The following TLL1 variants were observed in gnomAD, a reference collection of about 807,000 sequenced individuals.
TLL1 encodes tolloid like 1.
TLL1 carries 49 observed loss-of-function variants against 128.2 expected under a neutral mutation model. The observed-to-expected ratio is 0.38, with a 90% confidence interval of 0.30 to 0.48. The LOEUF (loss-of-function observed/expected upper bound fraction) is 0.48. Among genes scored for constraint, TLL1 ranks in the 20% least tolerant of loss-of-function variants. The pLI, the probability that TLL1 is intolerant of heterozygous loss-of-function variation, is 0.96. For synonymous variants in TLL1, 454 were observed against 418.8 expected (o/e 1.08, Z -1.03); for missense variants, 1,123 against 1,242.0 (o/e 0.90, Z 1.44).
At chr4:165,968,173 G>C (rs1452367498) in intron 1 of TLL1, among the ~76,000 whole-genome samples, 1 of 152,094 alleles carries the variant, frequency 6.6e-6, no homozygotes, top group African/African-American at 2.4e-5. Context: ...TCCAAATTTT[G>C]TTCCCTGAAC....
intron 1 of TLL1, among the ~76,000 whole-genome samples, chr4:165,961,749 G>T (rs1735115867): frequency 6.6e-6 from 1 of 152,038 alleles, no homozygotes; most frequent in Admixed American, 6.6e-5. Flanking sequence ...AGTGGTGTGT[G>T]GATAACTGGC....
At chr4:165,993,572 G>T (rs1736736346) in intron 3 of TLL1, among the ~76,000 whole-genome samples, 1 of 152,066 alleles carries the variant, frequency 6.6e-6, no homozygotes, top group Non-Finnish European at 1.5e-5. Context: ...TGAAAAGACA[G>T]ACATGTTAGA....
intron 1 of TLL1, among the ~76,000 whole-genome samples, chr4:165,930,739 A>G: frequency 6.6e-6 from 1 of 152,236 alleles, no homozygotes; most frequent in East Asian, 1.9e-4. Flanking sequence ...CTTTTGAAAA[A>G]GTGATAACAA....
chr4:165,873,823 GC>G lies in TLL1; in HGVS notation c.-78del. On this transcript the variant is annotated 5_prime_UTR_variant, in exon 1 of 21. Transcript: ENST00000061240. ...TCCGGGTGGGGAGAAGAGCACCGGT[GC>G]CCCTAGCCCCGCACATCAGCGCGGA... is the stretch of plus-strand genomic sequence containing the variant. 1 of 1,525,860 alleles carries G rather than the reference GC, an allele frequency of 6.6e-7. No individual in the cohort carries two copies. The highest frequency in any genetic ancestry group is 9.0e-7 in the Non-Finnish European group (1 of 1,106,722). The allele number at this position is 1,525,860 out of a possible 1,614,324, so 94.5% of individuals were successfully genotyped here. A position where few individuals can be genotyped will look rare whatever the true frequency, so the allele number is the denominator to read the frequency against.
At chr4:165,878,907 T>C (rs1253053846) in intron 1 of TLL1, among the ~76,000 whole-genome samples, 1 of 146,574 alleles carries the variant, frequency 6.8e-6, no homozygotes, top group African/African-American at 2.5e-5. Context: ...CCTCTTACCC[T>C]GATGATGGCT....
chr4:165,948,591 G>A (rs867359835), intron 1 of TLL1, among the ~76,000 whole-genome samples: 1 of 152,094 alleles, frequency 6.6e-6, no homozygotes. Context: ...AGAGTCACAG[G>A]CAGTGCAGGG....
rs1472293347 is a variant in TLL1 at position 166,103,382 on chromosome 4, A to G, written c.*2506A>G. 6.6e-6 allele frequency: 1 copy of G among 151,820 alleles called. No individual in the cohort carries two copies. The highest frequency in any genetic ancestry group is 2.4e-5 in the African/African-American group (1 of 41,404). 9.4% of individuals were successfully genotyped at this position (151,820 alleles called of 1,614,324 possible). A position where few individuals can be genotyped will look rare whatever the true frequency, so the allele number is the denominator to read the frequency against. The stretch of plus-strand genomic sequence containing the variant: ...TAGTACTAGAAATTTAAAAAACCCT[A>G]TAGTTTGGAGTTAGTATGAGCCTTT... On this transcript the variant is annotated 3_prime_UTR_variant, in exon 21 of 21. Transcript: ENST00000061240.
At chr4:166,098,961 C>A (rs1742154084) in intron 19 of TLL1, among the ~76,000 whole-genome samples, 1 of 151,902 alleles carries the variant, frequency 6.6e-6, no homozygotes, top group South Asian at 2.1e-4. Context: ...AATTCTCAGA[C>A]CTCACTAAAA....
intron 1 of TLL1, among the ~76,000 whole-genome samples, chr4:165,890,721 G>C (rs1579446420): frequency 6.6e-6 from 1 of 152,300 alleles, no homozygotes; most frequent in African/African-American, 2.4e-5. Flanking sequence ...TGCCTTAATG[G>C]GCTGGCATTG....
chr4:165,998,178 T>C (rs1175835233), intron 5 of TLL1, among the ~76,000 whole-genome samples: 3 of 152,122 alleles, frequency 2.0e-5, no homozygotes, highest in Non-Finnish European at 4.4e-5. Context: ...TGCAAGATGA[T>C]TGATTATTAT....
chr4:165,901,647 C>G (rs771472467), intron 1 of TLL1, among the ~76,000 whole-genome samples: 1 of 152,144 alleles, frequency 6.6e-6, no homozygotes, highest in Non-Finnish European at 1.5e-5. Flanking sequence ...CAGCCAGATA[C>G]CAGCTTGAGC....
At chr4:165,883,042 T>C (rs1371242094) in intron 1 of TLL1, among the ~76,000 whole-genome samples, 1 of 152,120 alleles carries the variant, frequency 6.6e-6, no homozygotes, top group Non-Finnish European at 1.5e-5. Flanking sequence ...TAGGATATAC[T>C]TCCAGTTTGT....
At chr4:166,050,334 C>T (rs1364050956) in intron 12 of TLL1, among the ~76,000 whole-genome samples, 2 of 152,116 alleles carry the variant, frequency 1.3e-5, no homozygotes, top group African/African-American at 4.8e-5. Flanking sequence ...TTTATTTATC[C>T]ATTCATCTAT....
At chr4:165,889,877 C>T (rs1038706779) in intron 1 of TLL1, among the ~76,000 whole-genome samples, 12 of 152,210 alleles carry the variant, frequency 7.9e-5, no homozygotes, top group Non-Finnish European at 1.6e-4. Flanking sequence ...AATAATACAA[C>T]TTTGACCTCA....
intron 1 of TLL1, among the ~76,000 whole-genome samples, chr4:165,909,677 C>A (rs1033419644): frequency 2.6e-5 from 4 of 152,108 alleles, no homozygotes; most frequent in Admixed American, 2.0e-4. Flanking sequence ...GTCTGTAGAC[C>A]ATGCTGTGGG....
rs552432921 is a variant in TLL1, at chr4:166,079,287, G to A, written c.2442+1257G>A. Among the ~76,000 whole-genome samples, 115 of 152,188 alleles carry A rather than the reference G, an allele frequency of 7.6e-4. 1 individual carries two copies. In the South Asian group the frequency reaches 9.5e-3, roughly 13 times the overall value. ...AAGAGAGTTGGAAAAATTGATTTTCGTGGAGACATTTCTTTGTCTCAATCC... is the reference window on the plus strand; with the variant it reads ...AAGAGAGTTGGAAAAATTGATTTTCATGGAGACATTTCTTTGTCTCAATCC... On this transcript the variant is annotated intron_variant, in intron 18 of 20. Transcript: ENST00000061240.
intron 19 of TLL1, 94 bp downstream of exon 19, chr4:166,091,435 TC>T: frequency 9.4e-7 from 1 of 1,059,432 alleles, no homozygotes; most frequent in Non-Finnish European, 1.4e-6. Flanking sequence ...TAAATAAATC[TC>T]CAAGCATAGC....
At chr4:166,065,117 C>G (rs1282961730) in intron 15 of TLL1, among the ~76,000 whole-genome samples, 1 of 152,000 alleles carries the variant, frequency 6.6e-6, no homozygotes, top group Non-Finnish European at 1.5e-5. Flanking sequence ...ATGAGGCTAC[C>G]TTATTTTAAT....
At position 165,873,851 on chromosome 4, in the gene TLL1, C is replaced by T; in HGVS notation, c.-54C>T. ...CCTAGCCCCGCACATCAGCGCGGACCGCGGCTGCCTAACCTCTGGGTCCCG... is the reference window on the plus strand; with the variant it reads ...CCTAGCCCCGCACATCAGCGCGGACTGCGGCTGCCTAACCTCTGGGTCCCG... On this transcript the variant is annotated 5_prime_UTR_variant, in exon 1 of 21. Transcript: ENST00000061240. 1.2e-6 allele frequency: 2 copies of T among 1,606,354 alleles called. No individual in the cohort carries two copies. Among genetic ancestry groups the T allele is most frequent in the East Asian group, 2.2e-5 (1 of 44,768 alleles).
Sources: gnomAD v4.1 joint callset for allele counts (sites outside exome capture counted in the v4.1 genomes callset) on GRCh38, gnomAD v4.1.1 for gene constraint, MANE v1.5 for transcripts, NCBI Gene and HGNC (gene_info 2026-07-23, HGNC 2026-07-21) for gene names.